HK3: variants seen among roughly 807,000 people sequenced by gnomAD.
The protein encoded by HK3 is hexokinase 3.
Under a neutral mutation model 91.0 loss-of-function variants are expected in HK3, and 93 were observed. The observed-to-expected ratio is 1.02, with a 90% CI of 0.86 to 1.21. HK3 has a LOEUF of 1.21. Ranked by LOEUF, HK3 falls within the 50% of genes most tolerant of loss-of-function variation. The probability of loss-of-function intolerance (pLI) is 0.00; values close to 1 mark genes in which losing one functional copy is unlikely to be tolerated. For synonymous variants in HK3, 519 were observed against 516.9 expected, an observed-to-expected ratio of 1.00 and a Z score of -0.06; for missense variants, 1,235 against 1,247.4, an observed-to-expected ratio of 0.99 and a Z score of 0.15.
chr5:176,897,967 TTC>T (rs759807259), intron 1 of HK3, among the ~76,000 whole-genome samples: 9 of 152,208 alleles, frequency 5.9e-5, no homozygotes, highest in African/African-American at 9.6e-5. Flanking sequence ...CACAAAGCTC[TTC>T]TGTTCTCCAC....
chr5:176,882,380 T>C lies in HK3; in HGVS notation c.2054-253A>G, dbSNP rs149136244. Among the ~76,000 whole-genome samples, 117 of 152,274 alleles carry C rather than the reference T, an allele frequency of 7.7e-4. 1 individual carries two copies. The highest frequency in any genetic ancestry group is 2.7e-3 in the African/African-American group (114 of 41,556). On this transcript the variant is annotated intron_variant, in intron 15 of 18. Transcript: ENST00000292432. ...GTGCATCCACCATGCCACCCCCAAG[T>C]GCTCCTACAATGCCCAGCTGTCCTG...
rs751884643 is a variant in HK3, at chr5:176,891,017, G to T, written c.414+20C>A. 2 of 1,613,784 alleles carry T rather than the reference G, an allele frequency of 1.2e-6. No individual in the cohort carries two copies. The highest frequency in any genetic ancestry group is 1.7e-6 in the Non-Finnish European group (2 of 1,179,938). On this transcript the variant is annotated intron_variant, in intron 4 of 18. Coordinates refer to ENST00000292432, the MANE Select transcript of HK3 (RefSeq NM_002115.3). The stretch of plus-strand genomic sequence containing the variant: ...CCAGCCAGGCCCCCAGACCCCAGAG[G>T]CTGGGCAGTGAGTGCTTACCTGCTG...
chr5:176,888,779 C>T lies in HK3; in HGVS notation c.1000G>A (p.Gly334Ser), dbSNP rs1303636685. The change falls in exon 9 of 19, where the codon GGT (glycine) becomes AGT (serine). Residue 334 changes from glycine (G) to serine (S), a missense_variant. Transcript: ENST00000292432. ...AHLARCGVLF[G>S]GCTSPALLSQ... ...AGCAGGGCAGGGGAGGTGCAGCCAC[C>T]AAAGAGGACCCCACACCGGGCCAAG... The T allele has an allele frequency of 1.3e-5, 21 of 1,614,056 alleles. No individual in the cohort carries two copies. Among genetic ancestry groups the T allele is most frequent in the Non-Finnish European group, 1.7e-5 (20 of 1,180,016 alleles).
In HK3 at chr5:176,881,487, C is replaced by A. The variant is rs370516409; in HGVS notation, c.2442G>T (p.Gly814=). 1.7e-5 allele frequency: 27 copies of A among 1,607,318 alleles called. 1 individual carries two copies. The highest frequency in any genetic ancestry group is 1.6e-4 in the Middle Eastern group (1 of 6,082). Residue 814 remains glycine, a synonymous_variant, in exon 18 of 19, where the codon GGG becomes GGT. Transcript: ENST00000292432. The part of the protein sequence containing the change: ...RQVRAILEDL[G]LPLTSDDALM... ...GGGCGTCATCTGAGGTCAGGGGTAGCCCCAGATCCTCTAGGATGGCTCGGA... is the reference window on the plus strand; with the variant it reads ...GGGCGTCATCTGAGGTCAGGGGTAGACCCAGATCCTCTAGGATGGCTCGGA...
At chr5:176,894,626 G>A (rs1223071851) in intron 2 of HK3, among the ~76,000 whole-genome samples, 9 of 152,304 alleles carry the variant, frequency 5.9e-5, no homozygotes, top group Non-Finnish European at 8.8e-5. Flanking sequence ...GGACAAGGGG[G>A]AAGTGGGAGC....
In HK3 at chr5:176,882,039, C is replaced by A; in HGVS notation, c.2142G>T (p.Glu714Asp). 1 of 1,613,218 alleles carries A rather than the reference C, an allele frequency of 6.2e-7. No homozygotes were observed. Among genetic ancestry groups the A allele is most frequent in the African/African-American group, 1.3e-5 (1 of 75,062 alleles). ...GDSGRMCINM[E>D]WGAFGDDGSL... is the part of the protein sequence containing the mutation. ...AGCCATCGTCCCCAAAGGCGCCCCA[C>A]TCCATGTTGATGCACATGCGGCCTG... The change falls in exon 16 of 19, where the codon GAG becomes GAT. Residue 714 changes from glutamate to aspartate, a missense_variant. By Grantham distance (45) the Glu-to-Asp change is conservative (BLOSUM62 2). Around this residue, in one of 3 missense-constraint regions of HK3, gnomAD observed 513 missense variants for 477.4 expected, o/e 1.07. Transcript: ENST00000292432.
intron 15 of HK3, 58 bp downstream of exon 15, chr5:176,883,712 A>G: frequency 7.4e-7 from 1 of 1,353,570 alleles, no homozygotes; most frequent in Non-Finnish European, 1.1e-6. Context: ...CAGAGGAATC[A>G]ACAGAAGGCA....
chr5:176,895,125 C>T (rs1481426628), intron 2 of HK3, among the ~76,000 whole-genome samples: 2 of 136,642 alleles, frequency 1.5e-5, no homozygotes, highest in Admixed American at 7.9e-5. Context: ...GTTGCCCAGG[C>T]TGGAGTGCAC....
At chr5:176,883,197 T>C (rs4976661) in intron 15 of HK3, among the ~76,000 whole-genome samples, 14,645 of 152,234 alleles carry the variant, frequency 0.096, 1,012 homozygotes, top group African/African-American at 0.18. Context: ...TCTTGTTTTA[T>C]GTGTCTTCCT....
rs1234199570 is a variant in HK3 at position 176,887,498 on chromosome 5, G to A, written c.1553C>T (p.Ser518Phe). The A allele has an allele frequency of 6.2e-7, 1 of 1,613,792 alleles. No individual in the cohort carries two copies. Among genetic ancestry groups the A allele is most frequent in the East Asian group, 2.2e-5 (1 of 44,870 alleles). ...MAKGLRGEASSLRMLPTFVRA... is the reference protein window; with the variant it reads ...MAKGLRGEASFLRMLPTFVRA... ...GACGAAAGTGGGCAGCATGCGAAGG[G>A]AGGAGGCCTCCCCTCGGAGCCCCTT... The change falls in exon 11 of 19, where the codon TCC becomes TTC. Residue 518 changes from serine to phenylalanine, a missense_variant. This residue lies in a region of HK3 where 717 missense variants were observed against 751.6 expected (regional missense o/e 0.95). Coordinates refer to ENST00000292432, the MANE Select transcript of HK3 (RefSeq NM_002115.3). This position sits in a 1 kb window ranked among gnomAD's most constrained non-coding sequence, Gnocchi z 4.9.
intron 1 of HK3, among the ~76,000 whole-genome samples, chr5:176,898,885 C>A (rs1051608331): frequency 1.3e-5 from 2 of 152,194 alleles, no homozygotes; most frequent in African/African-American, 4.8e-5. Flanking sequence ...GTAATCCCAG[C>A]ACTTTGGGAG....
In HK3 at chr5:176,895,207, T is replaced by G. The variant is rs187104003; in HGVS notation, c.96+857A>C. Reference sequence around the variant, plus strand: ...GATTCTCCTGCCTCAGCCTCCCAAGTAGCTGGGATTACAGGCATGTGCCAC... The same window carrying G: ...GATTCTCCTGCCTCAGCCTCCCAAGGAGCTGGGATTACAGGCATGTGCCAC... On this transcript the variant is annotated intron_variant, in intron 2 of 18. Coordinates refer to ENST00000292432, the MANE Select transcript of HK3 (RefSeq NM_002115.3). Among the ~76,000 whole-genome samples, 368 of 151,870 alleles carry G rather than the reference T, an allele frequency of 2.4e-3. 1 individual carries two copies. The highest frequency in any genetic ancestry group is 8.6e-3 in the African/African-American group (356 of 41,374).
chr5:176,895,328 C>T (rs1038741195), intron 2 of HK3, among the ~76,000 whole-genome samples: 2 of 152,098 alleles, frequency 1.3e-5, no homozygotes, highest in African/African-American at 4.8e-5. Flanking sequence ...CCACCTGCCT[C>T]GGCCTCCCAA....
In HK3 at chr5:176,881,992, C is replaced by T. The variant is rs745623940; in HGVS notation, c.2189G>A (p.Arg730His). ...DDGSLAMLST[R>H]FDASVDQASI... Reference sequence around the variant, plus strand: ...CGCCTGGTCCACACTTGCATCAAAGCGGGTGCTGAGCATGGCCAGAGAGCC... The same window carrying T: ...CGCCTGGTCCACACTTGCATCAAAGTGGGTGCTGAGCATGGCCAGAGAGCC... Residue 730 changes from arginine to histidine, a missense_variant, in exon 16 of 19, where the codon CGC becomes CAC. Physicochemically the swap from Arg to His is conservative, Grantham distance 29. Transcript: ENST00000292432. 1.3e-4 allele frequency: 203 copies of T among 1,613,436 alleles called. No individual in the cohort carries two copies. Among genetic ancestry groups the T allele is most frequent in the Admixed American group, 1.1e-3 (68 of 59,998 alleles).
intron 2 of HK3, among the ~76,000 whole-genome samples, chr5:176,894,498 C>T (rs116826319): frequency 0.012 from 1,857 of 152,330 alleles, 39 homozygotes; most frequent in African/African-American, 0.042. Context: ...TGACAGCAGG[C>T]CCTAGAGCCA....
chr5:176,889,704 A>G lies in HK3; in HGVS notation c.671T>C (p.Val224Ala). The change falls in exon 7 of 19, where the codon GTG becomes GCG. Residue 224 changes from valine (V) to alanine (A), a missense_variant. Val to Ala is a moderately conservative substitution (Grantham distance 64). Transcript: ENST00000292432. ...IDVVAVVNDT[V>A]GTMMGCEPGV... ...CGGCTCACAGCCCATCATGGTGCCC[A>G]CTGTGTCGTTCACCACAGCAACCAC... 1 of 1,614,094 alleles carries G rather than the reference A, an allele frequency of 6.2e-7. No individual in the cohort carries two copies. The highest frequency in any genetic ancestry group is 1.3e-5 in the African/African-American group (1 of 75,010).
Position 176,890,834 on chromosome 5 carries a change from C to G in HK3, c.522G>C (p.Thr174=). 2 of 1,614,158 alleles carry G rather than the reference C, an allele frequency of 1.2e-6. No individual in the cohort carries two copies. Among genetic ancestry groups the G allele is most frequent in the Non-Finnish European group, 1.7e-6 (2 of 1,180,046 alleles). Residue 174 remains threonine, a synonymous_variant, in exon 5 of 19, where the codon ACG becomes ACC. Coordinates refer to ENST00000292432, the MANE Select transcript of HK3 (RefSeq NM_002115.3). ...CACTCCACCTCACCCTGTCCAAGCC[C>G]GTCTGGTGACAAGGGAAAGAGAAGC... ...GFSFSFPCHQ[T]GLDRSTLISW...
intron 1 of HK3, among the ~76,000 whole-genome samples, chr5:176,897,858 A>C (rs1211834711): frequency 6.6e-6 from 1 of 152,172 alleles, no homozygotes; most frequent in Non-Finnish European, 1.5e-5. Flanking sequence ...CCTCAGCCAA[A>C]TCCTAAATCC....
chr5:176,897,613 T>C (rs922793848), intron 1 of HK3, among the ~76,000 whole-genome samples: 3 of 152,200 alleles, frequency 2.0e-5, no homozygotes, highest in Non-Finnish European at 4.4e-5. Flanking sequence ...CTCTCAGGCA[T>C]GCAAAGCCAG....
Sources: allele counts gnomAD v4.1 joint callset (sites outside exome capture counted in the v4.1 genomes callset), GRCh38; gene constraint gnomAD v4.1.1; regional missense constraint gnomAD v4.1.1; non-coding constraint Gnocchi (gnomAD v3.1); transcripts MANE v1.5; gene names NCBI Gene and HGNC (gene_info 2026-07-23, HGNC 2026-07-21).